HEPH: variants seen among roughly 807,000 people sequenced by gnomAD.
HEPH encodes the protein hephaestin.
Under a neutral mutation model 80.8 loss-of-function variants are expected in HEPH, and 69 were observed. That is an observed-to-expected ratio of 0.85 (90% confidence interval 0.70 to 1.04). The LOEUF is 1.04. Ranked by LOEUF, HEPH falls within the 50% of genes least tolerant of loss-of-function variation. The probability of loss-of-function intolerance (pLI) is 0.00; values close to 1 mark genes in which losing one functional copy is unlikely to be tolerated. For missense variants in HEPH, 1,115 were observed against 891.3 expected, an observed-to-expected ratio of 1.25 and a Z score of -3.20; for synonymous variants, 431 against 322.8, an observed-to-expected ratio of 1.34 and a Z score of -3.60.
intron 15 of HEPH, among the ~76,000 whole-genome samples, 169 bp from the exon 16 acceptor site, chrX:66,254,866 G>T (rs1047334172): frequency 3.7e-5 from 4 of 109,386 alleles, no homozygotes; most frequent in Non-Finnish European, 7.6e-5. Flanking sequence ...AAGGTTGAGG[G>T]TGTCCCAGGA....
At chrX:66,202,746 A>G (rs777675749) in intron 12 of HEPH, among the ~76,000 whole-genome samples, 28 of 109,872 alleles carry the variant, frequency 2.5e-4, no homozygotes, top group South Asian at 7.7e-4. Flanking sequence ...TTACTTATTT[A>G]TAGCATCACT....
At chrX:66,195,024 C>T (rs761529927) in intron 8 of HEPH, 74 bp from the exon 9 acceptor site, 17 of 838,844 alleles carry the variant, frequency 2.0e-5, no homozygotes, top group East Asian at 1.5e-4. Context: ...TTCTTTCCCT[C>T]CCTCTTCTTC....
intron 15 of HEPH, among the ~76,000 whole-genome samples, chrX:66,237,273 T>C: frequency 9.0e-6 from 1 of 111,520 alleles, no homozygotes; most frequent in Middle Eastern, 4.6e-3. Flanking sequence ...GCTGTAAACT[T>C]TCCTTTTCCC....
intron 15 of HEPH, among the ~76,000 whole-genome samples, chrX:66,223,751 G>A (rs976194734): frequency 9.0e-6 from 1 of 111,057 alleles, no homozygotes; most frequent in East Asian, 2.8e-4. Flanking sequence ...ACCTTTTAAT[G>A]TAGGTAAAAA....
chrX:66,230,603 G>T (rs1335920835), intron 15 of HEPH, among the ~76,000 whole-genome samples: 2 of 96,988 alleles, frequency 2.1e-5, no homozygotes, highest in African/African-American at 4.0e-5. Flanking sequence ...CATGTCCTTC[G>T]CCCACTTTTT....
At chrX:66,251,846 T>C (rs897705694) in intron 15 of HEPH, among the ~76,000 whole-genome samples, 1 of 112,242 alleles carries the variant, frequency 8.9e-6, no homozygotes, top group African/African-American at 3.2e-5. Context: ...TAAAGAATGA[T>C]AAGTAAGATC....
intron 15 of HEPH, among the ~76,000 whole-genome samples, chrX:66,240,471 A>G (rs1429329668): frequency 9.1e-6 from 1 of 109,727 alleles, no homozygotes; most frequent in Non-Finnish European, 1.9e-5. Context: ...GTTGACAGAT[A>G]TTAAACCACA....
At chrX:66,230,370 G>C (rs708964) in intron 15 of HEPH, among the ~76,000 whole-genome samples, 33,459 of 99,312 alleles carry the variant, frequency 0.34, 7,913 homozygotes, top group African/African-American at 0.83. Context: ...CACAATGGTT[G>C]AACTAGTTTA....
chrX:66,211,002 TAGA>T (rs1455165865), intron 15 of HEPH, among the ~76,000 whole-genome samples: 2 of 111,384 alleles, frequency 1.8e-5, no homozygotes, highest in Non-Finnish European at 3.8e-5. Flanking sequence ...GCTGTACGGA[TAGA>T]AGATTATCAT....
intron 15 of HEPH, among the ~76,000 whole-genome samples, chrX:66,252,949 C>A (rs888935328): frequency 7.1e-5 from 8 of 112,054 alleles, no homozygotes; most frequent in African/African-American, 2.6e-4. Flanking sequence ...ACAGAAAAAT[C>A]AACTCAAAAT....
chrX:66,186,666 G>A (rs900566597), intron 4 of HEPH, among the ~76,000 whole-genome samples: 60 of 111,723 alleles, frequency 5.4e-4, no homozygotes, highest in African/African-American at 1.7e-3. Flanking sequence ...CGTCTTCTGC[G>A]TCGCTCACGC....
At chrX:66,170,464 A>G in intron 1 of HEPH, 94 bp from the exon 2 acceptor site, 3 of 774,998 alleles carry the variant, frequency 3.9e-6, no homozygotes, top group East Asian at 6.8e-5. Flanking sequence ...CAGTCACTCA[A>G]CCTGGCTCTT....
intron 15 of HEPH, among the ~76,000 whole-genome samples, chrX:66,238,022 A>G (rs2090428327): frequency 9.0e-6 from 1 of 110,802 alleles, no homozygotes; most frequent in African/African-American, 3.3e-5. Flanking sequence ...TGCATGTGAG[A>G]TAGGTTTCTT....
chrX:66,173,762 G>A lies in HEPH; in HGVS notation c.586G>A (p.Ala196Thr). The change falls in exon 4 of 21, where the codon GCA (alanine) becomes ACA (threonine). Residue 196 changes from alanine to threonine, a missense_variant. Ala to Thr is a moderately conservative substitution (Grantham distance 58). Around this residue, in one of 3 missense-constraint regions of HEPH, gnomAD observed 391 missense variants for 343.6 expected, o/e 1.14. Transcript: ENST00000343002. ...TCATGTAGATGCTCCACGAGACATT[G>A]CAACTGGCCTAATTGGGCCTCTCAT... is the stretch of plus-strand genomic sequence containing the variant. ...HSHVDAPRDIATGLIGPLITC... is the reference protein window; with the variant it reads ...HSHVDAPRDITTGLIGPLITC... 2.5e-6 allele frequency: 3 copies of A among 1,202,752 alleles called. No individual in the cohort carries two copies. Among genetic ancestry groups the A allele is most frequent in the Non-Finnish European group, 3.4e-6 (3 of 890,732 alleles).
Position 66,193,619 on chromosome X carries a change from T to G in HEPH, c.1350T>G (p.Asp450Glu). 1 of 1,189,082 alleles carries G rather than the reference T, an allele frequency of 8.4e-7. No homozygotes were observed. Among genetic ancestry groups the G allele is most frequent in the South Asian group, 1.9e-5 (1 of 53,089 alleles). The change falls in exon 8 of 21, where the codon GAT (aspartate) becomes GAG (glutamate). Residue 450 changes from aspartate to glutamate, a missense_variant. This residue lies in a region of HEPH where 391 missense variants were observed against 343.6 expected (regional missense o/e 1.14). Coordinates refer to ENST00000343002, the MANE Select transcript of HEPH (RefSeq NM_001367233.3). ...AAGAGAAGATGCATTTGGAGGAAGA[T>G]AGGCATCTTGGAATCCTGGGTGAGG... ...TFQEKMHLEE[D>E]RHLGILGPVI...
At chrX:66,233,673 A>G (rs1393648810) in intron 15 of HEPH, among the ~76,000 whole-genome samples, 3 of 110,618 alleles carry the variant, frequency 2.7e-5, no homozygotes, top group Non-Finnish European at 5.7e-5. Context: ...CTGTGCATCT[A>G]GTATTAGATT....
intron 15 of HEPH, among the ~76,000 whole-genome samples, chrX:66,244,784 A>G (rs776569565): frequency 9.0e-6 from 1 of 110,657 alleles, no homozygotes; most frequent in South Asian, 3.8e-4. Flanking sequence ...GTGTAGGCTG[A>G]TGTTCCTTCA....
chrX:66,253,050 G>T (rs2091057042), intron 15 of HEPH, among the ~76,000 whole-genome samples: 1 of 112,109 alleles, frequency 8.9e-6, no homozygotes, highest in Non-Finnish European at 1.9e-5. Flanking sequence ...TTAGGCAATG[G>T]TTTCTTATAT....
chrX:66,210,606 A>G (rs1363382716), intron 15 of HEPH, among the ~76,000 whole-genome samples: 1 of 111,484 alleles, frequency 9.0e-6, no homozygotes, highest in African/African-American at 3.3e-5. Flanking sequence ...TCAATAAATG[A>G]CCATTAAGAG....
Sources: allele counts gnomAD v4.1 joint callset (sites outside exome capture counted in the v4.1 genomes callset), GRCh38; gene constraint gnomAD v4.1.1; regional missense constraint gnomAD v4.1.1; transcripts MANE v1.5; gene names NCBI Gene and HGNC (gene_info 2026-07-23, HGNC 2026-07-21).